Variants in DMXL2 observed in about 807,000 individuals in gnomAD.
The protein encoded by DMXL2 is dmX-like protein 2.
Under a neutral mutation model 331.1 loss-of-function variants are expected in DMXL2, and 103 were observed. The observed-to-expected ratio is 0.31, with a 90% CI of 0.27 to 0.37. The LOEUF (loss-of-function observed/expected upper bound fraction) is 0.37. DMXL2 is among the 10% of genes least tolerant of loss of function. DMXL2 has a pLI of 1.00. For missense variants in DMXL2, 3,171 were observed against 3,642.9 expected, an observed-to-expected ratio of 0.87 and a Z score of 3.33; for synonymous variants, 1,281 against 1,252.1, an observed-to-expected ratio of 1.02 and a Z score of -0.49.
chr15:51,480,371 A>G (rs1231067697), intron 24 of DMXL2, among the ~76,000 whole-genome samples, 171 bp downstream of exon 24: 1 of 152,232 alleles, frequency 6.6e-6, no homozygotes, highest in South Asian at 2.1e-4. Flanking sequence ...CTTATTATCA[A>G]AACTTCAGTC....
At chr15:51,508,337 A>T (rs1007598037) in intron 15 of DMXL2, among the ~76,000 whole-genome samples, 22 of 152,166 alleles carry the variant, frequency 1.4e-4, no homozygotes, top group Non-Finnish European at 2.5e-4. Context: ...AATAATTTTT[A>T]AAAAAGAAAC....
chr15:51,564,170 G>C lies in DMXL2; in HGVS notation c.455C>G (p.Thr152Arg). 4 of 1,606,392 alleles carry C rather than the reference G, an allele frequency of 2.5e-6. No homozygotes were observed. The highest frequency in any genetic ancestry group is 3.4e-6 in the Non-Finnish European group (4 of 1,176,914). Residue 152 changes from threonine (T) to arginine (R), a missense_variant, in exon 5 of 44, where the codon ACA becomes AGA. Thr to Arg is a moderately conservative substitution (Grantham distance 71). This residue lies in a region of DMXL2 where 1,674 missense variants were observed against 1,780.2 expected (regional missense o/e 0.94). Transcript: ENST00000560891. ...ILEEEEEIDN[T>R]VPPVLNDWKC... The stretch of plus-strand genomic sequence containing the variant: ...CCAATCATTTAAAACAGGAGGAACT[G>C]TATTATCAATTTCTTCCTCCTCTTC...
At chr15:51,482,130 C>T (rs1483639667) in intron 23 of DMXL2, among the ~76,000 whole-genome samples, 1 of 152,112 alleles carries the variant, frequency 6.6e-6, no homozygotes, top group Non-Finnish European at 1.5e-5. Context: ...ATCTAAACCA[C>T]AATTCACAAA....
At chr15:51,600,009 T>C (rs1316397860) in intron 1 of DMXL2, among the ~76,000 whole-genome samples, 1 of 152,170 alleles carries the variant, frequency 6.6e-6, no homozygotes, top group African/African-American at 2.4e-5. Context: ...GCCTTCCCAC[T>C]TTCTACACTT....
intron 19 of DMXL2, among the ~76,000 whole-genome samples, chr15:51,493,134 T>C (rs2042924867): frequency 6.6e-6 from 1 of 152,104 alleles, no homozygotes; most frequent in Non-Finnish European, 1.5e-5. Flanking sequence ...TAAAATAAAT[T>C]TAGTTTTTTA....
In DMXL2 at chr15:51,616,318, T is replaced by C. The variant is rs188897368; in HGVS notation, c.87+6141A>G. On this transcript the variant is annotated intron_variant, in intron 1 of 43. Transcript: ENST00000560891. ...AAAGGAAGCCTCAGGAATCATGAAA[T>C]GAGAGGATTTGAGAGTAAAACTTGC... Among the ~76,000 whole-genome samples the C allele has an allele frequency of 1.4e-3, 209 of 151,926 alleles. 2 individuals are homozygous for C. Among genetic ancestry groups the C allele is most frequent in the African/African-American group, 4.8e-3 (200 of 41,422 alleles).
intron 9 of DMXL2, among the ~76,000 whole-genome samples, chr15:51,540,732 G>GTTACATTTAGTTA (rs2048547996): frequency 6.6e-6 from 1 of 152,070 alleles, no homozygotes; most frequent in East Asian, 1.9e-4. Flanking sequence ...ATATTTACAT[G>GTTACATTTAGTTA]CAGTAACTAA....
chr15:51,502,066 T>C (rs1417372837), intron 17 of DMXL2, among the ~76,000 whole-genome samples: 2 of 150,566 alleles, frequency 1.3e-5, no homozygotes. Flanking sequence ...CCGTCTCTAC[T>C]AAAAATACAA....
rs185537467 is a variant in DMXL2, at chr15:51,519,182, G to C, written c.2437-2015C>G. ...TAACATTCTTCTTTTCTTTTTTCAG[G>C]GTCTTGCTCTATTGGCCTCCAACTC... is the stretch of plus-strand genomic sequence containing the variant. On this transcript the variant is annotated intron_variant, in intron 13 of 43. Coordinates refer to ENST00000560891, the MANE Select transcript of DMXL2 (RefSeq NM_001378457.1). Among the ~76,000 whole-genome samples the C allele has an allele frequency of 9.9e-5, 15 of 151,216 alleles. No homozygotes were observed. The East Asian group carries it at 2.5e-3, about 25-fold the overall frequency.
In DMXL2 at chr15:51,622,716, C is replaced by T; in HGVS notation, c.-171G>A. ...TCGCCTTCCCTCCGCCTCGTCCCTG[C>T]CATGGGAGCTCCTCGACCGCCGCCG... On this transcript the variant is annotated 5_prime_UTR_variant, in exon 1 of 44. Coordinates refer to ENST00000560891, the MANE Select transcript of DMXL2 (RefSeq NM_001378457.1). The T allele has an allele frequency of 3.8e-6, 5 of 1,304,614 alleles. No individual in the cohort carries two copies. The highest frequency in any genetic ancestry group is 5.1e-6 in the Non-Finnish European group (5 of 987,100). The allele number at this position is 1,304,614 out of a possible 1,614,324, so 80.8% of individuals were successfully genotyped here.
At chr15:51,521,665 A>G (rs1282694286) in intron 13 of DMXL2, among the ~76,000 whole-genome samples, 2 of 152,178 alleles carry the variant, frequency 1.3e-5, no homozygotes, top group African/African-American at 4.8e-5. Context: ...GTGGAGGCCA[A>G]TTAAATGAAT....
intron 1 of DMXL2, among the ~76,000 whole-genome samples, chr15:51,576,969 C>T (rs1264700969): frequency 6.6e-6 from 1 of 152,152 alleles, no homozygotes; most frequent in Non-Finnish European, 1.5e-5. Flanking sequence ...ATGAGTAAAA[C>T]CACACATTTC....
At chr15:51,616,291 T>C (rs1315396177) in intron 1 of DMXL2, among the ~76,000 whole-genome samples, 1 of 152,064 alleles carries the variant, frequency 6.6e-6, no homozygotes, top group Non-Finnish European at 1.5e-5. Flanking sequence ...GTAGATAGCA[T>C]TAAAGGAAGC....
intron 3 of DMXL2, chr15:51,567,299 C>T (rs1013394517): frequency 2.6e-5 from 4 of 152,356 alleles, no homozygotes; most frequent in Admixed American, 1.3e-4. Context: ...CCTCAGCCTC[C>T]CAAAGTGTTG....
intron 3 of DMXL2, chr15:51,566,976 G>GAA: frequency 6.6e-6 from 1 of 150,742 alleles, no homozygotes; most frequent in Non-Finnish European, 1.5e-5. Context: ...GCTGGTAAGT[G>GAA]AGCTTTTTAA....
chr15:51,502,306 T>TGTGTGTGTGTGTGTGTGTGTGTGTGTG (rs2043701330), intron 17 of DMXL2, among the ~76,000 whole-genome samples: 5 of 140,628 alleles, frequency 3.6e-5, no homozygotes, highest in East Asian at 2.1e-4. Flanking sequence ...TTTTGTGGGT[T>TGTGTGTGTGTGTGTGTGTGTGTGTGTG]TGTGTGTGTG....
At chr15:51,481,771 A>G in intron 23 of DMXL2, 148 bp from the exon 24 acceptor site, 1 of 711,896 alleles carries the variant, frequency 1.4e-6, no homozygotes, top group Non-Finnish European at 2.2e-6. Flanking sequence ...TACAATCATT[A>G]CAACTGTACA....
At chr15:51,564,307 G>A in intron 4 of DMXL2, 47 bp from the exon 5 acceptor site, 1 of 1,403,292 alleles carries the variant, frequency 7.1e-7, no homozygotes, top group South Asian at 1.4e-5. Context: ...ATTATATAGG[G>A]AAATAAATGC....
rs1214379722 is a variant in DMXL2, at chr15:51,499,176, T to C, written c.4048A>G (p.Thr1350Ala). 1 of 1,613,908 alleles carries C rather than the reference T, an allele frequency of 6.2e-7. No individual in the cohort carries two copies. The highest frequency in any genetic ancestry group is 1.3e-5 in the African/African-American group (1 of 74,922). Residue 1350 changes from threonine (T) to alanine (A), a missense_variant, in exon 18 of 44, where the codon ACT becomes GCT. This residue lies in a region of DMXL2 where 1,674 missense variants were observed against 1,780.2 expected (regional missense o/e 0.94). Transcript: ENST00000560891. ...AAATCCATCAATTCTAACAGCTGAG[T>C]TGGATGATATTGTGGAAGAGTAGGG... ...LSPTLPQYHP[T>A]QLLELMDLGK...
Sources: gnomAD v4.1 joint callset for allele counts (sites outside exome capture counted in the v4.1 genomes callset) on GRCh38, gnomAD v4.1.1 for gene constraint, gnomAD v4.1.1 regional missense constraint, MANE v1.5 for transcripts, NCBI Gene and HGNC (gene_info 2026-07-23, HGNC 2026-07-21) for gene names.